LAPTM4B: variants seen among roughly 807,000 people sequenced by gnomAD.
LAPTM4B encodes lysosomal-associated transmembrane protein 4B.
LAPTM4B carries 26 observed loss-of-function variants against 28.5 expected under a neutral mutation model. The observed-to-expected ratio is 0.91, with a 90% CI of 0.67 to 1.27. The LOEUF is 1.27. Ranked by LOEUF, LAPTM4B falls within the 50% of genes most tolerant of loss-of-function variation. The probability of loss-of-function intolerance (pLI) is 0.00; values close to 1 mark genes in which losing one functional copy is unlikely to be tolerated. For synonymous variants in LAPTM4B, 109 were observed against 106.4 expected, an observed-to-expected ratio of 1.02 and a Z score of -0.15; for missense variants, 288 against 285.8, an observed-to-expected ratio of 1.01 and a Z score of -0.06.
Position 97,846,055 on chromosome 8 carries a change from A to T in LAPTM4B, c.604-5342A>T, listed in dbSNP as rs917881088. Among the ~76,000 whole-genome samples the T allele has an allele frequency of 5.3e-5, 8 of 150,650 alleles. No homozygotes were observed. In the East Asian group the frequency reaches 1.4e-3, roughly 26 times the overall value. On this transcript the variant is annotated intron_variant, in intron 6 of 6. Transcript: ENST00000521545. Reference sequence around the variant, plus strand: ...TTTTTTGTAGAGACAGGGTCTTGCTATGTTGTCCACACTGTTCTGGAACTC... The same window carrying T: ...TTTTTTGTAGAGACAGGGTCTTGCTTTGTTGTCCACACTGTTCTGGAACTC...
intron 6 of LAPTM4B, among the ~76,000 whole-genome samples, chr8:97,839,395 G>A (rs570784304): frequency 2.6e-5 from 4 of 152,122 alleles, no homozygotes; most frequent in African/African-American, 7.2e-5. Context: ...GTTTCACCAT[G>A]TTGCCCAGGC....
At chr8:97,846,515 C>T (rs545637852) in intron 6 of LAPTM4B, among the ~76,000 whole-genome samples, 2 of 152,124 alleles carry the variant, frequency 1.3e-5, no homozygotes, top group Admixed American at 6.5e-5. Context: ...TTAGTAGAAA[C>T]GGGGTTTCTC....
At chr8:97,816,028 C>G (rs1211910193) in intron 3 of LAPTM4B, 30 bp from the exon 4 acceptor site, 13 of 1,510,964 alleles carry the variant, frequency 8.6e-6, no homozygotes, top group Non-Finnish European at 1.2e-5. Flanking sequence ...ATATTGAACA[C>G]ATTAACTTTC....
chr8:97,814,936 C>T (rs948308852), intron 2 of LAPTM4B, among the ~76,000 whole-genome samples: 2 of 152,140 alleles, frequency 1.3e-5, no homozygotes, highest in African/African-American at 2.4e-5. Context: ...CTCGTGATCG[C>T]CCTCCTCGGC....
intron 1 of LAPTM4B, among the ~76,000 whole-genome samples, chr8:97,791,404 T>C (rs562419698): frequency 1.3e-5 from 2 of 152,340 alleles, no homozygotes; most frequent in African/African-American, 2.4e-5. Flanking sequence ...ATCCTTTGCC[T>C]TCTGTCCATT....
intron 4 of LAPTM4B, among the ~76,000 whole-genome samples, chr8:97,817,286 CAT>C (rs1268931918): frequency 6.6e-6 from 1 of 151,910 alleles, no homozygotes; most frequent in African/African-American, 2.4e-5. Flanking sequence ...CATGCACCAC[CAT>C]GCCCACCTAA....
At chr8:97,806,897 G>T (rs1226595957) in intron 2 of LAPTM4B, among the ~76,000 whole-genome samples, 1 of 152,164 alleles carries the variant, frequency 6.6e-6, no homozygotes, top group African/African-American at 2.4e-5. Flanking sequence ...GGCGGAGGTT[G>T]CAGTGAGCCG....
chr8:97,852,913 C>A lies in LAPTM4B; in HGVS notation c.*1439C>A. 3 of 432,174 alleles carry A rather than the reference C, an allele frequency of 6.9e-6. No homozygotes were observed. Among genetic ancestry groups the A allele is most frequent in the Non-Finnish European group, 1.2e-5 (3 of 242,856 alleles). The allele number at this position is 432,174 out of a possible 1,614,324, so 26.8% of individuals were successfully genotyped here. A position where few individuals can be genotyped will look rare whatever the true frequency, so the allele number is the denominator to read the frequency against. On this transcript the variant is annotated 3_prime_UTR_variant, in exon 7 of 7. Coordinates refer to ENST00000521545, the MANE Select transcript of LAPTM4B (RefSeq NM_018407.6). ...CAATTTCTAGAAATGAAGAACAATCCGTGGAGAATAAATTACCATTGGTGT... is the reference window on the plus strand; with the variant it reads ...CAATTTCTAGAAATGAAGAACAATCAGTGGAGAATAAATTACCATTGGTGT...
chr8:97,823,963 G>T (rs1419957633), intron 5 of LAPTM4B, among the ~76,000 whole-genome samples: 1 of 152,046 alleles, frequency 6.6e-6, no homozygotes, highest in Non-Finnish European at 1.5e-5. Context: ...GCCTCCCAAA[G>T]TGTTAGAATT....
chr8:97,818,998 G>C, intron 4 of LAPTM4B, 142 bp from the exon 5 acceptor site: 1 of 597,198 alleles, frequency 1.7e-6, no homozygotes, highest in East Asian at 2.9e-5. Flanking sequence ...GCAGAGTCAG[G>C]CTAGAAATTT....
chr8:97,851,332 G>C, intron 6 of LAPTM4B, 65 bp from the exon 7 acceptor site: 1 of 1,326,268 alleles, frequency 7.5e-7, no homozygotes, highest in Non-Finnish European at 1.1e-6. Flanking sequence ...TTCAGTAAAA[G>C]CTAAACCTCG....
intron 5 of LAPTM4B, among the ~76,000 whole-genome samples, chr8:97,819,596 A>G (rs565897723): frequency 4.7e-5 from 7 of 149,308 alleles, no homozygotes; most frequent in Non-Finnish European, 1.0e-4. Flanking sequence ...TCAATCCATT[A>G]TATGAATATC....
Position 97,781,774 on chromosome 8 carries a change from A to G in LAPTM4B, c.99+5666A>G, listed in dbSNP as rs568586886. ...AATTATGCTGTGTGTACCCTTCTGT[A>G]TCTAGCTTCTTTCACTTAGCATAAC... On this transcript the variant is annotated intron_variant, in intron 1 of 6. Coordinates refer to ENST00000521545, the MANE Select transcript of LAPTM4B (RefSeq NM_018407.6). 2.0e-5 allele frequency among the ~76,000 whole-genome samples: 3 copies of G among 152,286 alleles called. No homozygotes were observed. The South Asian group carries it at 6.2e-4, about 32-fold the overall frequency.
chr8:97,795,540 A>T, intron 1 of LAPTM4B, among the ~76,000 whole-genome samples: 1 of 152,170 alleles, frequency 6.6e-6, no homozygotes, highest in East Asian at 1.9e-4. Context: ...TAGAGTTTAT[A>T]TATCTTTGAC....
intron 6 of LAPTM4B, among the ~76,000 whole-genome samples, chr8:97,838,664 G>A (rs1208775572): frequency 6.6e-6 from 1 of 152,210 alleles, no homozygotes; most frequent in Non-Finnish European, 1.5e-5. Context: ...TGGGACTGCA[G>A]CTGGGGCCAA....
At chr8:97,808,303 G>C (rs986258076) in intron 2 of LAPTM4B, among the ~76,000 whole-genome samples, 1 of 151,744 alleles carries the variant, frequency 6.6e-6, no homozygotes, top group Non-Finnish European at 1.5e-5. Flanking sequence ...ACAAAAATTA[G>C]CTGGGCATGA....
chr8:97,823,353 T>TG (rs1231225535), intron 5 of LAPTM4B, among the ~76,000 whole-genome samples: 2 of 27,248 alleles, frequency 7.3e-5, no homozygotes, highest in African/African-American at 1.7e-4. Flanking sequence ...GGTTTTTTTT[T>TG]TTGTTTTTTT....
rs76489206 is a variant in LAPTM4B at position 97,783,873 on chromosome 8, G to A, written c.99+7765G>A. Among the ~76,000 whole-genome samples the A allele has an allele frequency of 2.8e-3, 422 of 152,242 alleles. 1 individual carries two copies. The highest frequency in any genetic ancestry group is 4.8e-3 in the Non-Finnish European group (326 of 68,028). ...GTTTTCTTATTTCTGTGACTCCCAC[G>A]TATGCGTGTGCACGTAATACATTTG... On this transcript the variant is annotated intron_variant, in intron 1 of 6. Coordinates refer to ENST00000521545, the MANE Select transcript of LAPTM4B (RefSeq NM_018407.6).
intron 6 of LAPTM4B, among the ~76,000 whole-genome samples, chr8:97,840,802 G>A (rs368439286): frequency 2.9e-4 from 42 of 143,696 alleles, no homozygotes; most frequent in African/African-American, 1.2e-3. Context: ...TGGGGCGGCC[G>A]GGCAGAGGCG....
Sources: gnomAD v4.1 joint callset for allele counts (sites outside exome capture counted in the v4.1 genomes callset) on GRCh38, gnomAD v4.1.1 for gene constraint, MANE v1.5 for transcripts, NCBI Gene and HGNC (gene_info 2026-07-23, HGNC 2026-07-21) for gene names.